The following C12orf42 variants were observed in gnomAD, a reference collection of about 807,000 sequenced individuals.
C12orf42 encodes chromosome 12 open reading frame 42.
In C12orf42, 25 loss-of-function variants were observed where a neutral mutation model predicts 21.6. The ratio of observed to expected loss-of-function variants is 1.16; its 90% CI spans 0.84 to 1.62. The LOEUF (loss-of-function observed/expected upper bound fraction) is 1.62. Ranked by LOEUF, C12orf42 falls within the 40% of genes most tolerant of loss-of-function variation. The pLI is 0.00. For synonymous variants in C12orf42, 174 were observed against 175.0 expected, an observed-to-expected ratio of 0.99 and a Z score of 0.05; for missense variants, 483 against 459.3, an observed-to-expected ratio of 1.05 and a Z score of -0.47.
chr12:103,325,350 G>A (rs1206791158), intron 4 of C12orf42, among the ~76,000 whole-genome samples: 2 of 152,194 alleles, frequency 1.3e-5, no homozygotes, highest in Non-Finnish European at 2.9e-5. Flanking sequence ...ACACTGCTCC[G>A]ATCTGGCATC....
intron 4 of C12orf42, among the ~76,000 whole-genome samples, chr12:103,343,576 C>T (rs371934307): frequency 1.6e-4 from 24 of 151,942 alleles, no homozygotes; most frequent in African/African-American, 5.5e-4. Flanking sequence ...GTCAGGAGTA[C>T]GAGACCAGCC....
intron 4 of C12orf42, among the ~76,000 whole-genome samples, chr12:103,363,742 A>G (rs2044328896): frequency 6.6e-6 from 1 of 152,124 alleles, no homozygotes; most frequent in African/African-American, 2.4e-5. Flanking sequence ...CTTAAAAAAG[A>G]CAAAGACAGA....
intron 10 of C12orf42, among the ~76,000 whole-genome samples, chr12:103,238,489 C>A (rs1356294993): frequency 2.6e-5 from 4 of 152,182 alleles, no homozygotes; most frequent in African/African-American, 9.6e-5. Flanking sequence ...AGAAAATGCA[C>A]ACTAGAGTTT....
At chr12:103,259,340 G>A (rs550520830) in intron 10 of C12orf42, among the ~76,000 whole-genome samples, 2 of 152,268 alleles carry the variant, frequency 1.3e-5, no homozygotes, top group African/African-American at 4.8e-5. Flanking sequence ...ATGCAATGAT[G>A]CAATCTTGGC....
At chr12:103,399,586 C>G (rs1444295030) in intron 3 of C12orf42, among the ~76,000 whole-genome samples, 1 of 151,834 alleles carries the variant, frequency 6.6e-6, no homozygotes, top group Non-Finnish European at 1.5e-5. Flanking sequence ...CCCAAGAGAC[C>G]CTCAGCCTCA....
intron 2 of C12orf42, among the ~76,000 whole-genome samples, chr12:103,469,724 A>G (rs1953439809): frequency 6.6e-6 from 1 of 152,216 alleles, no homozygotes; most frequent in Non-Finnish European, 1.5e-5. Flanking sequence ...ATGTTTCAAC[A>G]TATTTGATAC....
chr12:103,463,942 T>C (rs1952918655), intron 2 of C12orf42, among the ~76,000 whole-genome samples: 1 of 152,222 alleles, frequency 6.6e-6, no homozygotes, highest in Non-Finnish European at 1.5e-5. Flanking sequence ...CCATGGTGTA[T>C]ATGTACCACA....
the C12orf42 span, among the ~76,000 whole-genome samples, chr12:103,530,970 A>C: frequency 6.6e-6 from 1 of 152,340 alleles, no homozygotes; most frequent in South Asian, 2.1e-4. Context: ...CGATGCAAAC[A>C]AAACAGTCGC....
At chr12:103,199,400 C>T in the C12orf42 span, among the ~76,000 whole-genome samples, 2 of 152,222 alleles carry the variant, frequency 1.3e-5, no homozygotes, top group South Asian at 4.1e-4. Context: ...CTTTTGGACA[C>T]TGATGTTGGC....
chr12:103,092,648 T>C, the C12orf42 span, among the ~76,000 whole-genome samples: 2 of 152,188 alleles, frequency 1.3e-5, no homozygotes, highest in African/African-American at 4.8e-5. Context: ...ACCCAATCTC[T>C]ACCCTCCCCT....
At chr12:103,481,857 C>G (rs917618367) in intron 1 of C12orf42, among the ~76,000 whole-genome samples, 1 of 144,852 alleles carries the variant, frequency 6.9e-6, no homozygotes, top group Non-Finnish European at 1.5e-5. Context: ...TTTTCTTTTT[C>G]TTTTTCTAGT....
chr12:103,356,113 A>G (rs1406578044), intron 4 of C12orf42, among the ~76,000 whole-genome samples: 3 of 152,018 alleles, frequency 2.0e-5, no homozygotes, highest in Admixed American at 1.3e-4. Context: ...TCTAACCACA[A>G]TGCCTCCTGT....
Position 103,409,361 on chromosome 12 carries a change from T to C in C12orf42, c.79-7686A>G, listed in dbSNP as rs74792287. 0.011 allele frequency among the ~76,000 whole-genome samples: 1,614 copies of C among 152,302 alleles called. 136 individuals are homozygous for C. In the East Asian group the frequency reaches 0.2, roughly 19 times the overall value. Reference sequence around the variant, plus strand: ...CCCTCCCAAAATGCAAAATAAAAGATAGTGGTATCCCTGCTGGTAAGATGG... The same window carrying C: ...CCCTCCCAAAATGCAAAATAAAAGACAGTGGTATCCCTGCTGGTAAGATGG... On this transcript the variant is annotated intron_variant, in intron 2 of 5. Transcript: ENST00000548883.
chr12:103,515,649 G>A, the C12orf42 span, among the ~76,000 whole-genome samples: 2 of 152,152 alleles, frequency 1.3e-5, no homozygotes, highest in East Asian at 3.9e-4. Flanking sequence ...TAGAAGGGGT[G>A]GTTCCAAAAA....
chr12:103,528,040 C>T, the C12orf42 span, among the ~76,000 whole-genome samples: 2 of 152,126 alleles, frequency 1.3e-5, no homozygotes, highest in Non-Finnish European at 2.9e-5. Flanking sequence ...AAATTGTCAG[C>T]TCCCAAAAAA....
intron 10 of C12orf42, among the ~76,000 whole-genome samples, chr12:103,244,453 C>T (rs1263321250): frequency 6.6e-6 from 1 of 151,686 alleles, no homozygotes; most frequent in Non-Finnish European, 1.5e-5. Flanking sequence ...CTAGAGGAAT[C>T]TTCCCCCATG....
the C12orf42 span, among the ~76,000 whole-genome samples, chr12:103,199,141 C>A: frequency 0.019 from 2,912 of 152,126 alleles, 35 homozygotes; most frequent in East Asian, 0.028. Flanking sequence ...AGAATAGAGA[C>A]CACAGGAATA....
At chr12:103,058,337 T>A in the C12orf42 span, among the ~76,000 whole-genome samples, 22 of 152,322 alleles carry the variant, frequency 1.4e-4, no homozygotes, top group African/African-American at 5.1e-4. Context: ...TTTTTTCTTG[T>A]AAATTTGTTT....
chr12:103,277,125 C>T (rs1017424291), intron 5 of C12orf42: 1 of 455,508 alleles, frequency 2.2e-6, no homozygotes, highest in African/African-American at 2.0e-5. Flanking sequence ...CTTACGCTAG[C>T]AAAATCATAC....
Sources: allele counts gnomAD v4.1 joint callset (sites outside exome capture counted in the v4.1 genomes callset), GRCh38; gene constraint gnomAD v4.1.1; transcripts MANE v1.5; gene names NCBI Gene and HGNC (gene_info 2026-07-23, HGNC 2026-07-21).